OPHN1: variants seen among roughly 807,000 people sequenced by gnomAD.
The protein encoded by OPHN1 is oligophrenin 1, also known as oligophrenin-1.
Under a neutral mutation model 60.7 loss-of-function variants are expected in OPHN1, and 11 were observed. That is an observed-to-expected ratio of 0.18 (90% CI 0.11 to 0.30). The LOEUF (loss-of-function observed/expected upper bound fraction) is 0.30. OPHN1 is among the 10% of genes least tolerant of loss of function. OPHN1 has a pLI of 1.00. For synonymous variants in OPHN1, 226 were observed against 222.6 expected (o/e 1.02, Z -0.14); for missense variants, 449 against 611.0 (o/e 0.73, Z 2.80).
intron 5 of OPHN1, among the ~76,000 whole-genome samples, chrX:68,250,189 G>T (rs183361338): frequency 4.7e-4 from 53 of 112,195 alleles, no homozygotes; most frequent in African/African-American, 1.6e-3. Flanking sequence ...TAAGGAATCA[G>T]TCATACAGAT....
intron 2 of OPHN1, among the ~76,000 whole-genome samples, chrX:68,394,610 A>AT (rs2078673393): frequency 9.0e-6 from 1 of 111,441 alleles, no homozygotes. Flanking sequence ...ACTATGTAAT[A>AT]TTTTTTCTTC....
chrX:68,183,786 C>T (rs1009666521), intron 15 of OPHN1, among the ~76,000 whole-genome samples: 5 of 112,381 alleles, frequency 4.4e-5, no homozygotes, highest in African/African-American at 1.6e-4. Flanking sequence ...ATGAAATATA[C>T]GTATTAATTA....
chrX:68,396,398 CAAAAAAAA>C (rs57880548), intron 2 of OPHN1, among the ~76,000 whole-genome samples: 3 of 39,289 alleles, frequency 7.6e-5, no homozygotes, highest in African/African-American at 2.4e-4. Flanking sequence ...CCACTGCTCT[CAAAAAAAA>C]AAAAAAAAAA....
chrX:68,224,844 T>C (rs1481983591), intron 6 of OPHN1, among the ~76,000 whole-genome samples: 2 of 112,573 alleles, frequency 1.8e-5, no homozygotes, highest in African/African-American at 6.4e-5. Flanking sequence ...CATTTCTAAC[T>C]GAGCTACTGA....
intron 6 of OPHN1, among the ~76,000 whole-genome samples, chrX:68,222,977 T>G (rs2077670334): frequency 9.2e-6 from 1 of 108,379 alleles, no homozygotes; most frequent in Admixed American, 9.7e-5. Flanking sequence ...AAAATGGAAA[T>G]TAAAACCACA....
At chrX:68,064,704 G>T (rs1051664284) in intron 20 of OPHN1, among the ~76,000 whole-genome samples, 1 of 111,969 alleles carries the variant, frequency 8.9e-6, no homozygotes, top group Non-Finnish European at 1.9e-5. Context: ...ATGTCTTTCA[G>T]TGGTTCTGAG....
In OPHN1 at chrX:68,288,409, C is replaced by A. The variant is rs144596233; in HGVS notation, c.251-5292G>T. Among the ~76,000 whole-genome samples, 20 of 111,329 alleles carry A rather than the reference C, an allele frequency of 1.8e-4. No homozygotes were observed. In the East Asian group the frequency reaches 5.7e-3, roughly 32 times the overall value. ...CAACTGGCCCCACAAATGGTGTTTTCTTCTCCAAATATCCTCATATTCACT... is the reference window on the plus strand; with the variant it reads ...CAACTGGCCCCACAAATGGTGTTTTATTCTCCAAATATCCTCATATTCACT... On this transcript the variant is annotated intron_variant, in intron 3 of 24. Transcript: ENST00000355520.
chrX:68,123,321 G>A (rs1268379438), intron 15 of OPHN1, among the ~76,000 whole-genome samples: 1 of 111,776 alleles, frequency 8.9e-6, no homozygotes. Flanking sequence ...TCTTACAAGA[G>A]ACGCTAAAGA....
rs188956830 is a variant in OPHN1, at chrX:68,357,644, G to C, written c.155-58548C>G. Among the ~76,000 whole-genome samples the C allele has an allele frequency of 3.6e-5, 4 of 111,116 alleles. No homozygotes were observed. In the South Asian group the frequency reaches 1.1e-3, roughly 32 times the overall value. On this transcript the variant is annotated intron_variant, in intron 2 of 24. Coordinates refer to ENST00000355520, the MANE Select transcript of OPHN1 (RefSeq NM_002547.3). ...ATATGTGCCACATTTTCTTAATCCA[G>C]TCTATCATTGTTGGACATGTGGGTT... is the stretch of plus-strand genomic sequence containing the variant.
At chrX:68,413,652 T>C (rs2147779444) in intron 2 of OPHN1, among the ~76,000 whole-genome samples, 1 of 111,367 alleles carries the variant, frequency 9.0e-6, no homozygotes, top group South Asian at 3.8e-4. Flanking sequence ...ATACCTGTAA[T>C]CCCAGCACTT....
chrX:68,121,538 G>C (rs2077150642), intron 15 of OPHN1, among the ~76,000 whole-genome samples: 1 of 111,008 alleles, frequency 9.0e-6, no homozygotes, highest in Non-Finnish European at 1.9e-5. Flanking sequence ...ACACATCCTA[G>C]TTCTAAGCCT....
chrX:68,147,708 A>G (rs1237857346), intron 15 of OPHN1, among the ~76,000 whole-genome samples: 2 of 112,103 alleles, frequency 1.8e-5, no homozygotes, highest in African/African-American at 6.5e-5. Context: ...GAATGATGAT[A>G]ATAATGTTGC....
intron 3 of OPHN1, among the ~76,000 whole-genome samples, chrX:68,294,253 C>A (rs886460107): frequency 9.1e-6 from 1 of 109,699 alleles, no homozygotes; most frequent in African/African-American, 3.3e-5. Flanking sequence ...GGCGGATTAC[C>A]TGAGGTCAGG....
At chrX:68,387,200 TTCTC>T (rs61349611) in intron 2 of OPHN1, among the ~76,000 whole-genome samples, 8 of 100,129 alleles carry the variant, frequency 8.0e-5, no homozygotes, top group African/African-American at 2.5e-4. Flanking sequence ...TTCTTTCTGT[TTCTC>T]TCTCTCTCTC....
At chrX:68,095,704 C>A (rs191897522) in intron 19 of OPHN1, among the ~76,000 whole-genome samples, 2 of 111,289 alleles carry the variant, frequency 1.8e-5, no homozygotes, top group African/African-American at 6.5e-5. Flanking sequence ...TTCCAGTCAC[C>A]AAGTCCTGCT....
chrX:68,071,580 T>C, intron 20 of OPHN1: 1 of 582,418 alleles, frequency 1.7e-6, no homozygotes. Flanking sequence ...CTGGCCTAGG[T>C]GGCTCATAAG....
rs750284632 is a variant in OPHN1 at position 68,170,830 on chromosome X, C to T, written c.1276+22089G>A. Among the ~76,000 whole-genome samples the T allele has an allele frequency of 5.8e-4, 60 of 104,119 alleles. No homozygotes were observed. The East Asian group carries it at 0.018, about 32-fold the overall frequency. The allele number at this position is 104,119 out of a possible 115,157, so 90.4% of individuals were successfully genotyped here. On this transcript the variant is annotated intron_variant, in intron 15 of 24. Transcript: ENST00000355520. ...ATAGCTTTAGGAGATATACCTAATG[C>T]TAAATGACGAGTTAATGGGTGCAGC...
At chrX:68,324,431 C>T (rs987667095) in intron 2 of OPHN1, among the ~76,000 whole-genome samples, 18 of 103,236 alleles carry the variant, frequency 1.7e-4, no homozygotes, top group African/African-American at 6.7e-4. Context: ...GGTAAGACTC[C>T]GTCTCTACAA....
At chrX:68,238,433 C>A (rs1569254382) in intron 5 of OPHN1, among the ~76,000 whole-genome samples, 2 of 108,663 alleles carry the variant, frequency 1.8e-5, no homozygotes, top group Admixed American at 1.0e-4. Flanking sequence ...GTTAACTTAG[C>A]TATTTGTGCA....
Sources: allele counts gnomAD v4.1 joint callset (sites outside exome capture counted in the v4.1 genomes callset), GRCh38; gene constraint gnomAD v4.1.1; transcripts MANE v1.5; gene names NCBI Gene and HGNC (gene_info 2026-07-23, HGNC 2026-07-21).